Variants in UPP1 observed in about 807,000 individuals in gnomAD.
UPP1 encodes the protein UPase 1.
In UPP1, 25 loss-of-function variants were observed where a neutral mutation model predicts 29.6. The observed-to-expected ratio is 0.85, with a 90% CI of 0.62 to 1.18. The LOEUF is 1.18. Among genes scored for constraint, UPP1 ranks in the 50% most tolerant of loss-of-function variants. UPP1 has a pLI of 0.00. For synonymous variants in UPP1, 165 were observed against 159.8 expected, an observed-to-expected ratio of 1.03 and a Z score of -0.25; for missense variants, 368 against 410.4, an observed-to-expected ratio of 0.90 and a Z score of 0.89.
Position 48,090,224 on chromosome 7 carries a change from A to G in UPP1, c.-162A>G, listed in dbSNP as rs1791750625. On this transcript the variant is annotated 5_prime_UTR_variant, in exon 2 of 9. Coordinates refer to ENST00000395564, the MANE Select transcript of UPP1 (RefSeq NM_003364.4). ...GCGAGGAACTCCGCAGCTCGTCGACACGTCTCGTCTCCTGTCCCAATTCAG... is the reference window on the plus strand; with the variant it reads ...GCGAGGAACTCCGCAGCTCGTCGACGCGTCTCGTCTCCTGTCCCAATTCAG... 1 of 152,180 alleles carries G rather than the reference A, an allele frequency of 6.6e-6. No homozygotes were observed. Among genetic ancestry groups the G allele is most frequent in the Non-Finnish European group, 1.5e-5 (1 of 68,036 alleles). The allele number at this position is 152,180 out of a possible 1,614,324, so 9.4% of individuals were successfully genotyped here. A position where few individuals can be genotyped will look rare whatever the true frequency, so the allele number is the denominator to read the frequency against.
intron 8 of UPP1, among the ~76,000 whole-genome samples, chr7:48,107,981 G>A (rs1037948591): frequency 6.6e-6 from 1 of 152,170 alleles, no homozygotes; most frequent in African/African-American, 2.4e-5. Flanking sequence ...AAGCAGGCAC[G>A]AGAATAAGGG....
chr7:48,097,880 T>G (rs986202250), intron 3 of UPP1, among the ~76,000 whole-genome samples: 2 of 152,310 alleles, frequency 1.3e-5, no homozygotes, highest in East Asian at 1.9e-4. Context: ...AGGATGGTCC[T>G]TACCACACGT....
chr7:48,096,906 T>TC (rs2128810765), intron 3 of UPP1, among the ~76,000 whole-genome samples: 1 of 152,204 alleles, frequency 6.6e-6, no homozygotes, highest in African/African-American at 2.4e-5. Flanking sequence ...CACTGTGTTG[T>TC]CCAAGCTGAT....
chr7:48,107,144 C>T (rs984438992), intron 7 of UPP1, 62 bp downstream of exon 7: 19 of 1,579,194 alleles, frequency 1.2e-5, no homozygotes, highest in Non-Finnish European at 1.6e-5. Context: ...TCCCCTGAGC[C>T]TGCCTTCTCG....
At chr7:48,093,834 T>C (rs1426935532) in intron 2 of UPP1, among the ~76,000 whole-genome samples, 1 of 152,052 alleles carries the variant, frequency 6.6e-6, no homozygotes, top group Admixed American at 6.6e-5. Flanking sequence ...ACCCAATTCT[T>C]CCTGGGGAGA....
rs1012948033 is a variant in UPP1, at chr7:48,103,375, G to A, written c.400G>A (p.Val134Ile). ...KLLYYARCSNVTIIRIGTSGG... is the reference protein window; with the variant it reads ...KLLYYARCSNITIIRIGTSGG... The stretch of plus-strand genomic sequence containing the variant: ...GCTGTACTATGCCCGGTGCTCCAAC[G>A]TCACTATCATCCGCATTGGCACTTC... The change falls in exon 6 of 9, where the codon GTC (valine) becomes ATC (isoleucine). Residue 134 changes from valine to isoleucine, a missense_variant. By Grantham distance (29) the Val-to-Ile change is conservative. Transcript: ENST00000395564. The A allele has an allele frequency of 9.9e-6, 16 of 1,613,772 alleles. 1 individual carries two copies. Among genetic ancestry groups the A allele is most frequent in the African/African-American group, 8.0e-5 (6 of 74,874 alleles).
intron 3 of UPP1, among the ~76,000 whole-genome samples, chr7:48,097,345 C>G (rs923325898): frequency 3.3e-5 from 5 of 152,142 alleles, no homozygotes; most frequent in Non-Finnish European, 7.4e-5. Flanking sequence ...GTGATCCTCC[C>G]ACATCAGCCT....
Position 48,107,531 on chromosome 7 carries a change from G to A in UPP1, c.793+24G>A, listed in dbSNP as rs747538810. ...AGGTAAGCGGCACTTGATGGGCCTC[G>A]GCGTCCCCTCCTCCCTTCACTTCTG... On this transcript the variant is annotated intron_variant, in intron 8 of 8. Coordinates refer to ENST00000395564, the MANE Select transcript of UPP1 (RefSeq NM_003364.4). 3.4e-5 allele frequency: 54 copies of A among 1,585,594 alleles called. No individual in the cohort carries two copies. In the South Asian group the frequency reaches 3.4e-4, roughly 10 times the overall value.
Position 48,108,341 on chromosome 7 carries a change from A to T in UPP1, c.917A>T (p.Lys306Ile). 6.2e-7 allele frequency: 1 copy of T among 1,614,002 alleles called. No individual in the cohort carries two copies. The highest frequency in any genetic ancestry group is 8.5e-7 in the Non-Finnish European group (1 of 1,179,862). ...QRLVSYFIKKKLSKA is the reference protein window; with the variant it reads ...QRLVSYFIKKILSKA ...CTGGTGAGCTACTTCATCAAGAAGA[A>T]ACTGAGCAAGGCCTGAGCGCTGCCC... The change falls in exon 9 of 9, where the codon AAA becomes ATA. Residue 306 changes from lysine to isoleucine, a missense_variant. By Grantham distance (102) the Lys-to-Ile change is moderately radical. Coordinates refer to ENST00000395564, the MANE Select transcript of UPP1 (RefSeq NM_003364.4).
chr7:48,090,255 G>A lies in UPP1; in HGVS notation c.-131G>A, dbSNP rs1481577457. 2.0e-5 allele frequency: 3 copies of A among 152,244 alleles called. No individual in the cohort carries two copies. Among genetic ancestry groups the A allele is most frequent in the Non-Finnish European group, 2.9e-5 (2 of 68,048 alleles). The allele number at this position is 152,244 out of a possible 1,614,324, so 9.4% of individuals were successfully genotyped here. ...CGTCTCCTGTCCCAATTCAGGGCTT[G>A]GTGAGGTGACTCGCGGTCGCGGGTG... On this transcript the variant is annotated 5_prime_UTR_variant, in exon 2 of 9. Coordinates refer to ENST00000395564, the MANE Select transcript of UPP1 (RefSeq NM_003364.4).
intron 4 of UPP1, 129 bp from the exon 5 acceptor site, chr7:48,101,695 G>C: frequency 9.3e-7 from 1 of 1,075,540 alleles, no homozygotes; most frequent in East Asian, 2.6e-5. Flanking sequence ...AGCAGGTCCT[G>C]GTGAGGCCAG....
intron 2 of UPP1, 124 bp from the exon 3 acceptor site, chr7:48,094,639 A>T: frequency 1.3e-6 from 1 of 749,242 alleles, no homozygotes; most frequent in Non-Finnish European, 2.3e-6. Flanking sequence ...CAATTCACAC[A>T]CTTACATCAG....
At chr7:48,097,466 T>C (rs1792184893) in intron 3 of UPP1, among the ~76,000 whole-genome samples, 1 of 152,132 alleles carries the variant, frequency 6.6e-6, no homozygotes, top group Non-Finnish European at 1.5e-5. Flanking sequence ...ATTCCTGGGC[T>C]CAAGTGATCC....
At chr7:48,099,637 C>T (rs1374298024) in intron 3 of UPP1, 33 bp from the exon 4 acceptor site, 1 of 1,480,660 alleles carries the variant, frequency 6.8e-7, no homozygotes, top group Non-Finnish European at 9.4e-7. Flanking sequence ...CACTGATGTT[C>T]TATAAGCCTT....
At chr7:48,094,446 T>A (rs1384468658) in intron 2 of UPP1, among the ~76,000 whole-genome samples, 1 of 151,998 alleles carries the variant, frequency 6.6e-6, no homozygotes, top group Non-Finnish European at 1.5e-5. Flanking sequence ...GAACTCATGA[T>A]CTCCACCCAC....
In UPP1 at chr7:48,108,149, C is replaced by T. The variant is rs1792870459; in HGVS notation, c.794-69C>T. ...GGCTGCTCCTCAGAGCTCGTGGGTT[C>T]TTCATCCCGTCCCTGTGAAATGTTA... On this transcript the variant is annotated intron_variant, in intron 8 of 8. Transcript: ENST00000395564. 3 of 1,567,898 alleles carry T rather than the reference C, an allele frequency of 1.9e-6. No individual in the cohort carries two copies. The Admixed American group carries it at 5.3e-5, about 27-fold the overall frequency.
In UPP1 at chr7:48,107,261, G is replaced by T. The variant is rs1380014956; in HGVS notation, c.647-100G>T. Reference sequence around the variant, plus strand: ...GTCATTATAGGCAGGACCTGGATGGGTCTTGCTTGTCCCTGTGTCCTTCTG... The same window carrying T: ...GTCATTATAGGCAGGACCTGGATGGTTCTTGCTTGTCCCTGTGTCCTTCTG... On this transcript the variant is annotated intron_variant, in intron 7 of 8. Coordinates refer to ENST00000395564, the MANE Select transcript of UPP1 (RefSeq NM_003364.4). The T allele has an allele frequency of 1.4e-5, 21 of 1,486,458 alleles. No homozygotes were observed. The Admixed American group carries it at 3.4e-4, about 24-fold the overall frequency. 92.1% of individuals were successfully genotyped at this position (1,486,458 alleles called of 1,614,324 possible).
intron 3 of UPP1, among the ~76,000 whole-genome samples, chr7:48,097,535 A>G (rs575289836): frequency 6.1e-4 from 93 of 152,268 alleles, no homozygotes; most frequent in African/African-American, 1.8e-3. Context: ...TACCCGGCCA[A>G]ATTTTCATGT....
chr7:48,094,588 CACAT>C (rs1792025585), intron 2 of UPP1, among the ~76,000 whole-genome samples, 171 bp from the exon 3 acceptor site: 1 of 152,188 alleles, frequency 6.6e-6, no homozygotes. Context: ...GCTATAAACA[CACAT>C]ACACACTCTC....
Sources: gnomAD v4.1 joint callset for allele counts (sites outside exome capture counted in the v4.1 genomes callset) on GRCh38, gnomAD v4.1.1 for gene constraint, MANE v1.5 for transcripts, NCBI Gene and HGNC (gene_info 2026-07-23, HGNC 2026-07-21) for gene names.